The following ANGPT1 variants were observed in gnomAD, a reference collection of about 807,000 sequenced individuals.
ANGPT1 encodes the protein angiopoietin 1.
Under a neutral mutation model 62.2 loss-of-function variants are expected in ANGPT1, and 17 were observed. The ratio of observed to expected loss-of-function variants is 0.27; its 90% CI spans 0.19 to 0.41. ANGPT1 has a LOEUF of 0.41. Among genes scored for constraint, ANGPT1 ranks in the 10% least tolerant of loss-of-function variants. The pLI, the probability that ANGPT1 is intolerant of heterozygous loss-of-function variation, is 1.00. For missense variants in ANGPT1, 478 were observed against 594.9 expected (o/e 0.80, Z 2.04); for synonymous variants, 199 against 198.9 (o/e 1.00, Z 0.00).
At chr8:107,382,505 G>C (rs533884779) in intron 1 of ANGPT1, among the ~76,000 whole-genome samples, 1 of 151,118 alleles carries the variant, frequency 6.6e-6, no homozygotes, top group East Asian at 2.0e-4. Flanking sequence ...ATATCCAACA[G>C]TGCTGTGCTG....
chr8:107,252,093 C>A, intron 8 of ANGPT1, 78 bp from the exon 9 acceptor site: 3 of 1,468,922 alleles, frequency 2.0e-6, no homozygotes, highest in South Asian at 1.2e-5. Flanking sequence ...AAATTAATGG[C>A]ATTAAATGAT....
rs1563552466 is a variant in ANGPT1 at position 107,290,185 on chromosome 8, A to G, written c.1038+3751T>C. 2.0e-5 allele frequency among the ~76,000 whole-genome samples: 3 copies of G among 152,242 alleles called. No individual in the cohort carries two copies. In the South Asian group the frequency reaches 6.2e-4, roughly 32 times the overall value. Reference sequence around the variant, plus strand: ...TAAAAATAATGATAATATATAGTATATATTTGTAATTACATGTGATGGAAA... The same window carrying G: ...TAAAAATAATGATAATATATAGTATGTATTTGTAATTACATGTGATGGAAA... On this transcript the variant is annotated intron_variant, in intron 6 of 8. Transcript: ENST00000517746.
intron 8 of ANGPT1, among the ~76,000 whole-genome samples, chr8:107,253,287 AAAG>A (rs1813287714): frequency 6.6e-6 from 1 of 152,202 alleles, no homozygotes; most frequent in Non-Finnish European, 1.5e-5. Context: ...CTTGTTTGGA[AAAG>A]AAGGAGGAAC....
intron 1 of ANGPT1, among the ~76,000 whole-genome samples, chr8:107,473,096 G>C (rs967993906): frequency 6.6e-6 from 1 of 152,000 alleles, no homozygotes; most frequent in African/African-American, 2.4e-5. Context: ...GTTTTTAAGA[G>C]AATGTAAATT....
At chr8:107,393,733 C>G (rs777930712) in intron 1 of ANGPT1, among the ~76,000 whole-genome samples, 1 of 152,186 alleles carries the variant, frequency 6.6e-6, no homozygotes, top group African/African-American at 2.4e-5. Flanking sequence ...TCACTTGAAC[C>G]TGGGAGACGG....
At chr8:107,435,805 C>G (rs926230474) in intron 1 of ANGPT1, among the ~76,000 whole-genome samples, 1 of 152,202 alleles carries the variant, frequency 6.6e-6, no homozygotes, top group Admixed American at 6.5e-5. Flanking sequence ...TGTAAGCATA[C>G]TGTAATTTCT....
At chr8:107,255,315 G>C (rs1813332642) in intron 8 of ANGPT1, among the ~76,000 whole-genome samples, 1 of 152,152 alleles carries the variant, frequency 6.6e-6, no homozygotes, top group African/African-American at 2.4e-5. Context: ...GGAAGACCAG[G>C]GGAGAGTGTC....
chr8:107,433,643 C>T (rs1020961256), intron 1 of ANGPT1, among the ~76,000 whole-genome samples: 2 of 152,110 alleles, frequency 1.3e-5, no homozygotes, highest in African/African-American at 4.8e-5. Context: ...AAGGATGAAA[C>T]AGGATATTAG....
chr8:107,476,732 A>G (rs1323367456), intron 1 of ANGPT1, among the ~76,000 whole-genome samples: 1 of 152,190 alleles, frequency 6.6e-6, no homozygotes, highest in East Asian at 1.9e-4. Context: ...ACAGCTCCAT[A>G]TGACACAAAT....
intron 1 of ANGPT1, among the ~76,000 whole-genome samples, chr8:107,367,650 C>G (rs1221665792): frequency 6.6e-6 from 1 of 152,160 alleles, no homozygotes; most frequent in African/African-American, 2.4e-5. Context: ...GGACTCAATC[C>G]TCTGAAACCC....
chr8:107,341,228 T>C (rs1815689588), intron 2 of ANGPT1, among the ~76,000 whole-genome samples: 1 of 152,150 alleles, frequency 6.6e-6, no homozygotes, highest in Admixed American at 6.5e-5. Context: ...GCCACAATAT[T>C]CCATTCAACC....
chr8:107,490,803 T>G (rs1341954317), intron 1 of ANGPT1, among the ~76,000 whole-genome samples: 1 of 152,224 alleles, frequency 6.6e-6, no homozygotes, highest in East Asian at 1.9e-4. Context: ...CCAATAAAAC[T>G]TTATTTACAA....
At chr8:107,326,728 T>C (rs1468853497) in intron 3 of ANGPT1, among the ~76,000 whole-genome samples, 1 of 152,130 alleles carries the variant, frequency 6.6e-6, no homozygotes, top group Non-Finnish European at 1.5e-5. Context: ...ATTTGAAACC[T>C]TTATCTCCTT....
intron 1 of ANGPT1, among the ~76,000 whole-genome samples, chr8:107,419,411 G>C (rs1258487168): frequency 6.6e-6 from 1 of 152,112 alleles, no homozygotes; most frequent in Non-Finnish European, 1.5e-5. Context: ...GGATGAATCT[G>C]CATAAACAGG....
chr8:107,347,636 G>A (rs1031148425), intron 1 of ANGPT1, among the ~76,000 whole-genome samples: 1 of 152,110 alleles, frequency 6.6e-6, no homozygotes, highest in Admixed American at 6.6e-5. Flanking sequence ...TGGGGAAATG[G>A]GATGAGGAGT....
intron 8 of ANGPT1, among the ~76,000 whole-genome samples, chr8:107,253,032 TAGA>T (rs1348171555): frequency 6.6e-6 from 1 of 152,328 alleles, no homozygotes; most frequent in Non-Finnish European, 1.5e-5. Context: ...GCAGAAACTT[TAGA>T]AGAAGTCAAA....
chr8:107,454,148 A>C (rs904213267), intron 1 of ANGPT1, among the ~76,000 whole-genome samples: 3 of 152,072 alleles, frequency 2.0e-5, no homozygotes, highest in Non-Finnish European at 4.4e-5. Context: ...CGGGTGGTGC[A>C]TTCCCAGGCA....
chr8:107,259,057 G>T (rs1813433707), intron 8 of ANGPT1, among the ~76,000 whole-genome samples: 1 of 152,176 alleles, frequency 6.6e-6, no homozygotes, highest in Admixed American at 6.5e-5. Context: ...TTACATTTGT[G>T]TAGAATAGGC....
intron 1 of ANGPT1, among the ~76,000 whole-genome samples, chr8:107,394,203 T>A (rs1182213913): frequency 1.3e-5 from 2 of 152,136 alleles, no homozygotes; most frequent in Non-Finnish European, 2.9e-5. Context: ...AAACTGAGAT[T>A]GTTTAGTTAT....
Sources: allele counts gnomAD v4.1 joint callset (sites outside exome capture counted in the v4.1 genomes callset), GRCh38; gene constraint gnomAD v4.1.1; transcripts MANE v1.5; gene names NCBI Gene and HGNC (gene_info 2026-07-23, HGNC 2026-07-21).